The following ALPK1 variants were observed in gnomAD, a reference collection of about 807,000 sequenced individuals.
ALPK1 encodes the protein alpha-protein kinase 1.
A neutral mutation model predicts 120.6 loss-of-function variants in ALPK1; 110 were observed. The ratio of observed to expected loss-of-function variants is 0.91; its 90% CI spans 0.78 to 1.07. The LOEUF (loss-of-function observed/expected upper bound fraction) is 1.07, where lower values mean the gene tolerates loss of function less well. Among genes scored for constraint, ALPK1 ranks in the 50% least tolerant of loss-of-function variants. The pLI, the probability that ALPK1 is intolerant of heterozygous loss-of-function variation, is 0.00. For synonymous variants in ALPK1, 582 were observed against 560.3 expected (o/e 1.04, Z -0.55); for missense variants, 1,498 against 1,483.9 (o/e 1.01, Z -0.16).
intron 1 of ALPK1, among the ~76,000 whole-genome samples, chr4:112,302,842 A>G (rs563424105): frequency 6.6e-6 from 1 of 151,454 alleles, no homozygotes; most frequent in East Asian, 1.9e-4. Flanking sequence ...ACAAGCCTCT[A>G]CTCCTCGGCT....
chr4:112,386,674 T>C (rs1306486475), intron 4 of ALPK1, among the ~76,000 whole-genome samples: 1 of 152,208 alleles, frequency 6.6e-6, no homozygotes, highest in Non-Finnish European at 1.5e-5. Flanking sequence ...AACACCGAGC[T>C]GCCCTGCCCT....
intron 4 of ALPK1, among the ~76,000 whole-genome samples, chr4:112,411,264 G>A (rs986428649): frequency 6.6e-6 from 1 of 152,136 alleles, no homozygotes; most frequent in Non-Finnish European, 1.5e-5. Flanking sequence ...TCGCTCTGTC[G>A]CCCAGGCTGG....
At position 112,431,037 on chromosome 4, in the gene ALPK1, TA is replaced by T; in HGVS notation, c.1496del (p.Asn499ThrfsTer2). On this transcript the variant is annotated frameshift_variant, in exon 11 of 16. Coordinates refer to ENST00000650871, the MANE Select transcript of ALPK1 (RefSeq NM_025144.4). LOFTEE classifies it high-confidence loss of function. ...GVCITALKTE[I>X]KNIDTVSTTQ... ...TGCATCACTGCTCTAAAAACAGAAA[TA>T]AAAAACATAGATACTGTGAGTACTA... 1 of 1,612,530 alleles carries T rather than the reference TA, an allele frequency of 6.2e-7. No homozygotes were observed. The highest frequency in any genetic ancestry group is 8.5e-7 in the Non-Finnish European group (1 of 1,179,644).
intron 4 of ALPK1, among the ~76,000 whole-genome samples, chr4:112,397,487 C>T (rs1732701124): frequency 6.6e-6 from 1 of 152,168 alleles, no homozygotes; most frequent in East Asian, 1.9e-4. Context: ...TTGCACCAAC[C>T]AATATTTCCA....
chr4:112,336,379 A>T (rs1729621090), intron 2 of ALPK1, among the ~76,000 whole-genome samples: 1 of 152,144 alleles, frequency 6.6e-6, no homozygotes, highest in Non-Finnish European at 1.5e-5. Context: ...ACCTACAGAA[A>T]CTACATTTGG....
intron 4 of ALPK1, among the ~76,000 whole-genome samples, chr4:112,392,918 G>C (rs140629269): frequency 2.0e-4 from 31 of 152,296 alleles, no homozygotes; most frequent in African/African-American, 7.2e-4. Context: ...GCTGCAGACA[G>C]ATTTAAAAAC....
At chr4:112,375,794 G>A (rs1222891039) in intron 2 of ALPK1, among the ~76,000 whole-genome samples, 1 of 151,704 alleles carries the variant, frequency 6.6e-6, no homozygotes, top group Non-Finnish European at 1.5e-5. Context: ...GTCACAAGAG[G>A]CCTATCTTTT....
chr4:112,413,470 G>A (rs1220215073), intron 5 of ALPK1, among the ~76,000 whole-genome samples: 3 of 152,188 alleles, frequency 2.0e-5, no homozygotes, highest in Admixed American at 1.3e-4. Flanking sequence ...CCAAACTGGA[G>A]CCCAGTGGCC....
chr4:112,358,250 A>C (rs912633166), intron 2 of ALPK1: 24 of 588,352 alleles, frequency 4.1e-5, no homozygotes. Flanking sequence ...TGCAGACGCC[A>C]GAGCCCAGCT....
Position 112,393,555 on chromosome 4 carries a change from T to C in ALPK1, c.276+11003T>C, listed in dbSNP as rs114147726. Among the ~76,000 whole-genome samples, 515 of 152,326 alleles carry C rather than the reference T, an allele frequency of 3.4e-3. 3 individuals are homozygous for C. Among genetic ancestry groups the C allele is most frequent in the African/African-American group, 0.012 (496 of 41,568 alleles). The stretch of plus-strand genomic sequence containing the variant: ...TGTTCTTTATACTTCTTTGATTCTT[T>C]ACAATAAACATTGCTTACCATTATA... On this transcript the variant is annotated intron_variant, in intron 4 of 15. Transcript: ENST00000650871.
At position 112,425,672 on chromosome 4, in the gene ALPK1, G is replaced by T. The variant is rs1420850692; in HGVS notation, c.543G>T (p.Trp181Cys). 7 of 1,612,378 alleles carry T rather than the reference G, an allele frequency of 4.3e-6. No individual in the cohort carries two copies. Among genetic ancestry groups the T allele is most frequent in the Non-Finnish European group, 5.1e-6 (6 of 1,178,756 alleles). ...LISNNGATGT[W>C]LYRNESDKVL... ...TTTCATCTTTTCTTTTAGGTACCTG[G>T]CTGTACAGAAATGAAAGTGACAAGG... The change falls in exon 7 of 16, where the codon TGG (tryptophan) becomes TGT (cysteine). Residue 181 changes from tryptophan to cysteine, a missense_variant. Transcript: ENST00000650871.
At chr4:112,342,061 A>T (rs369329941) in intron 2 of ALPK1, among the ~76,000 whole-genome samples, 1 of 152,180 alleles carries the variant, frequency 6.6e-6, no homozygotes, top group South Asian at 2.1e-4. Context: ...TTGAATCATT[A>T]AAAAAATCAT....
chr4:112,300,490 C>A (rs965462115), intron 1 of ALPK1, among the ~76,000 whole-genome samples: 1 of 151,738 alleles, frequency 6.6e-6, no homozygotes, highest in Admixed American at 6.6e-5. Context: ...AAAAGTTTTT[C>A]CTTCTTTTTA....
At chr4:112,299,065 A>G (rs1018556626) in intron 1 of ALPK1, among the ~76,000 whole-genome samples, 3 of 152,094 alleles carry the variant, frequency 2.0e-5, no homozygotes, top group African/African-American at 4.8e-5. Flanking sequence ...TGGTGAAAAT[A>G]TATTCCATAT....
At chr4:112,361,957 TCTG>T (rs894538004) in intron 2 of ALPK1, among the ~76,000 whole-genome samples, 1 of 152,160 alleles carries the variant, frequency 6.6e-6, no homozygotes, top group African/African-American at 2.4e-5. Flanking sequence ...GCCCAGTAGC[TCTG>T]CTGGGTGGCT....
At chr4:112,388,638 A>C (rs13144272) in intron 4 of ALPK1, among the ~76,000 whole-genome samples, 51,805 of 150,574 alleles carry the variant, frequency 0.34, 9,029 homozygotes, top group East Asian at 0.53. Context: ...AAAAAAAAAA[A>C]CACAAAGTGT....
chr4:112,432,682 T>G, intron 11 of ALPK1, 101 bp downstream of exon 11: 1 of 1,164,894 alleles, frequency 8.6e-7, no homozygotes, highest in Non-Finnish European at 1.2e-6. Flanking sequence ...ATGAAAGGTA[T>G]AGAACCCTGG....
chr4:112,392,676 G>C (rs552223819), intron 4 of ALPK1, among the ~76,000 whole-genome samples: 18 of 152,282 alleles, frequency 1.2e-4, no homozygotes, highest in African/African-American at 4.1e-4. Context: ...ACAGGTGCAT[G>C]TCACCATGCC....
Position 112,432,448 on chromosome 4 carries a change from A to C in ALPK1, c.2901A>C (p.Lys967Asn), listed in dbSNP as rs1039574221. 6.8e-6 allele frequency: 11 copies of C among 1,614,168 alleles called. No individual in the cohort carries two copies. The highest frequency in any genetic ancestry group is 7.6e-6 in the Non-Finnish European group (9 of 1,180,022). The change falls in exon 11 of 16, where the codon AAA (lysine) becomes AAC (asparagine). Residue 967 changes from lysine (K) to asparagine (N), a missense_variant. Transcript: ENST00000650871. ...SWVSLPGKMR[K>N]EILEARTLQP... Reference sequence around the variant, plus strand: ...TTTCATTGCCGGGAAAGATGAGGAAAGAGATCCTTGAGGCTCGCACCTTGC... The same window carrying C: ...TTTCATTGCCGGGAAAGATGAGGAACGAGATCCTTGAGGCTCGCACCTTGC...
Sources: gnomAD v4.1 joint callset for allele counts (sites outside exome capture counted in the v4.1 genomes callset) on GRCh38, gnomAD v4.1.1 for gene constraint, MANE v1.5 for transcripts, NCBI Gene and HGNC (gene_info 2026-07-23, HGNC 2026-07-21) for gene names.